Variants in LSAMP observed in about 807,000 individuals in gnomAD.
LSAMP encodes the protein limbic system associated membrane protein, also known as limbic system-associated membrane protein.
A neutral mutation model predicts 38.6 loss-of-function variants in LSAMP; 7 were observed. That is an observed-to-expected ratio of 0.18 (90% CI 0.10 to 0.34). LSAMP has a LOEUF of 0.34. LSAMP is among the 10% of genes least tolerant of loss of function. LSAMP has a pLI of 1.00. For missense variants in LSAMP, 313 were observed against 420.0 expected (o/e 0.75, Z 2.23); for synonymous variants, 154 against 166.8 (o/e 0.92, Z 0.59).
At chr3:115,883,765 T>C (rs112901730) in intron 3 of LSAMP, among the ~76,000 whole-genome samples, 3 of 151,912 alleles carry the variant, frequency 2.0e-5, no homozygotes, top group Non-Finnish European at 4.4e-5. Flanking sequence ...TATTATACCA[T>C]AGGAAAAAAT....
At chr3:116,129,239 T>C (rs1452240802) in intron 1 of LSAMP, among the ~76,000 whole-genome samples, 1 of 152,182 alleles carries the variant, frequency 6.6e-6, no homozygotes, top group Non-Finnish European at 1.5e-5. Context: ...TTAGAAATAC[T>C]GAACTTTCTA....
Position 116,404,056 on chromosome 3 carries a change from T to C in LSAMP, c.155+40821A>G, listed in dbSNP as rs923375582. Among the ~76,000 whole-genome samples the C allele has an allele frequency of 9.9e-5, 15 of 152,148 alleles. No homozygotes were observed. In the East Asian group the frequency reaches 1.2e-3, roughly 12 times the overall value. On this transcript the variant is annotated intron_variant, in intron 1 of 6. Coordinates refer to ENST00000490035, the MANE Select transcript of LSAMP (RefSeq NM_002338.5). ...GCTTAGAATTTTTTATATGTTAAAA[T>C]AGGAGATTAAAGGGGGAAGTATTTT...
intron 3 of LSAMP, among the ~76,000 whole-genome samples, chr3:115,865,022 C>T (rs1166310014): frequency 1.3e-5 from 2 of 152,142 alleles, no homozygotes; most frequent in African/African-American, 2.4e-5. Flanking sequence ...CCTCCTGTAC[C>T]TATCACATAA....
intron 1 of LSAMP, among the ~76,000 whole-genome samples, chr3:116,381,575 GA>G (rs1222270126): frequency 6.6e-6 from 1 of 152,022 alleles, no homozygotes; most frequent in Non-Finnish European, 1.5e-5. Flanking sequence ...TTCAATTTTA[GA>G]ATTACTTTTC....
At chr3:115,815,832 C>T (rs1006129012) in intron 6 of LSAMP, among the ~76,000 whole-genome samples, 2 of 152,132 alleles carry the variant, frequency 1.3e-5, no homozygotes, top group African/African-American at 2.4e-5. Flanking sequence ...TTCATGGCTG[C>T]CTCTTCCCTG....
At chr3:116,421,452 C>T (rs949762796) in intron 1 of LSAMP, among the ~76,000 whole-genome samples, 4 of 151,500 alleles carry the variant, frequency 2.6e-5, no homozygotes, top group Admixed American at 2.6e-4. Context: ...CGCCTGTAAT[C>T]CCAGCTACTT....
intron 1 of LSAMP, among the ~76,000 whole-genome samples, chr3:116,117,633 T>C (rs1250290206): frequency 6.6e-6 from 1 of 152,226 alleles, no homozygotes; most frequent in Non-Finnish European, 1.5e-5. Flanking sequence ...AGCTTCTCAG[T>C]CTTTTTATGT....
chr3:116,429,360 T>C (rs1206410252), intron 1 of LSAMP, among the ~76,000 whole-genome samples: 2 of 152,050 alleles, frequency 1.3e-5, no homozygotes, highest in Non-Finnish European at 2.9e-5. Flanking sequence ...CAGCAAGAGG[T>C]GGAGATATAT....
chr3:116,084,455 C>CAAAAAAAAAAA (rs57753152), intron 2 of LSAMP, among the ~76,000 whole-genome samples: 1 of 102,388 alleles, frequency 9.8e-6, no homozygotes. Context: ...AAAATCATGG[C>CAAAAAAAAAAA]AAAAAAAAAA....
intron 6 of LSAMP, among the ~76,000 whole-genome samples, chr3:115,813,934 T>C (rs1371567722): frequency 1.3e-5 from 2 of 152,212 alleles, no homozygotes; most frequent in Non-Finnish European, 2.9e-5. Flanking sequence ...CAAACATAAA[T>C]TAGCCTTAAG....
intron 2 of LSAMP, among the ~76,000 whole-genome samples, chr3:116,020,926 T>C (rs1212924841): frequency 5.3e-5 from 8 of 152,134 alleles, no homozygotes; most frequent in Non-Finnish European, 1.2e-4. Context: ...AGACTCTGTG[T>C]AGTGACGAAT....
At chr3:116,171,375 C>A (rs949988931) in intron 1 of LSAMP, among the ~76,000 whole-genome samples, 2 of 152,082 alleles carry the variant, frequency 1.3e-5, no homozygotes, top group African/African-American at 4.8e-5. Flanking sequence ...AGAAACCTCA[C>A]AACAAAATTG....
At chr3:116,003,004 T>A (rs903280059) in intron 3 of LSAMP, among the ~76,000 whole-genome samples, 2 of 152,306 alleles carry the variant, frequency 1.3e-5, no homozygotes, top group East Asian at 1.9e-4. Flanking sequence ...AGTATTTTTT[T>A]AATATTTTAC....
At chr3:116,265,967 C>T (rs201584107) in intron 1 of LSAMP, among the ~76,000 whole-genome samples, 2 of 137,068 alleles carry the variant, frequency 1.5e-5, no homozygotes, top group Admixed American at 1.5e-4. Flanking sequence ...GTTTTTTTTT[C>T]CCCTTCAATA....
chr3:115,884,026 A>G (rs1316614819), intron 3 of LSAMP, among the ~76,000 whole-genome samples: 1 of 152,066 alleles, frequency 6.6e-6, no homozygotes, highest in Admixed American at 6.6e-5. Context: ...CAGCTTCTAA[A>G]AGCAGAGAAT....
At chr3:116,124,908 T>G (rs1338270181) in intron 1 of LSAMP, among the ~76,000 whole-genome samples, 3 of 152,206 alleles carry the variant, frequency 2.0e-5, no homozygotes, top group Admixed American at 6.5e-5. Flanking sequence ...CTTTGCATAG[T>G]AAATAACTGA....
At chr3:116,068,208 T>C (rs931090746) in intron 2 of LSAMP, among the ~76,000 whole-genome samples, 5 of 152,222 alleles carry the variant, frequency 3.3e-5, no homozygotes, top group African/African-American at 9.6e-5. Context: ...GAAAGTTGCA[T>C]AGGTTTTCAC....
intron 3 of LSAMP, among the ~76,000 whole-genome samples, chr3:115,883,489 C>T (rs1245814812): frequency 6.6e-6 from 1 of 151,894 alleles, no homozygotes; most frequent in Non-Finnish European, 1.5e-5. Flanking sequence ...TTTGATGGAA[C>T]CAGGGTTGGA....
chr3:116,146,288 A>G (rs376854955), intron 1 of LSAMP, among the ~76,000 whole-genome samples: 1 of 151,920 alleles, frequency 6.6e-6, no homozygotes, highest in Non-Finnish European at 1.5e-5. Context: ...GCATCAGCTC[A>G]TGTTATCCCC....
Sources: allele counts gnomAD v4.1 joint callset (sites outside exome capture counted in the v4.1 genomes callset), GRCh38; gene constraint gnomAD v4.1.1; transcripts MANE v1.5; gene names NCBI Gene and HGNC (gene_info 2026-07-23, HGNC 2026-07-21).